ZNF541: variants seen among roughly 807,000 people sequenced by gnomAD.
ZNF541 encodes the protein zinc finger protein 541.
ZNF541 carries 23 observed loss-of-function variants against 123.5 expected under a neutral mutation model. That is an observed-to-expected ratio of 0.19 (90% confidence interval 0.13 to 0.26). The LOEUF is 0.26. Among genes scored for constraint, ZNF541 ranks in the 10% least tolerant of loss-of-function variants. The pLI is 1.00. For synonymous variants in ZNF541, 751 were observed against 754.5 expected, an observed-to-expected ratio of 1.00 and a Z score of 0.08; for missense variants, 1,612 against 1,789.9, an observed-to-expected ratio of 0.90 and a Z score of 1.79.
intron 10 of ZNF541, 116 bp downstream of exon 10, chr19:47,532,793 G>A: frequency 1.2e-6 from 1 of 852,454 alleles, no homozygotes. Flanking sequence ...TTCACGCCTA[G>A]GGAGCCTATG....
chr19:47,571,584 ATCCTTACTTCTTCCCT>A (rs1348857575), intron 2 of ZNF541, among the ~76,000 whole-genome samples: 1 of 152,162 alleles, frequency 6.6e-6, no homozygotes, highest in Non-Finnish European at 1.5e-5. Flanking sequence ...CTTCACGACA[ATCCTTACTTCTTCCCT>A]TTACCTGTGC....
intron 5 of ZNF541, among the ~76,000 whole-genome samples, chr19:47,542,416 G>A (rs995157829): frequency 5.3e-5 from 8 of 152,150 alleles, no homozygotes; most frequent in Non-Finnish European, 1.2e-4. Context: ...AGCACTTTGG[G>A]AGGCCGAGGC....
chr19:47,567,502 C>T (rs747309933), intron 2 of ZNF541, among the ~76,000 whole-genome samples: 32 of 152,178 alleles, frequency 2.1e-4, no homozygotes, highest in Non-Finnish European at 4.0e-4. Flanking sequence ...TCAAATGATC[C>T]GCCCTCCTCG....
At chr19:47,531,598 C>T (rs1160087078) in intron 12 of ZNF541, 44 bp downstream of exon 12, 5 of 1,473,286 alleles carry the variant, frequency 3.4e-6, no homozygotes, top group Non-Finnish European at 3.7e-6. Context: ...ACCTAGAACC[C>T]TGGGCCCCAG....
Position 47,555,948 on chromosome 19 carries a change from C to T in ZNF541, c.-92G>A. 2 of 1,255,694 alleles carry T rather than the reference C, an allele frequency of 1.6e-6. No individual in the cohort carries two copies. Among genetic ancestry groups the T allele is most frequent in the Non-Finnish European group, 2.2e-6 (2 of 921,688 alleles). 77.8% of individuals were successfully genotyped at this position (1,255,694 alleles called of 1,614,324 possible). A position where few individuals can be genotyped will look rare whatever the true frequency, so the allele number is the denominator to read the frequency against. On this transcript the variant is annotated 5_prime_UTR_variant, in exon 3 of 17. Transcript: ENST00000391901. Reference sequence around the variant, plus strand: ...GGGAGGAGAGAGCCCTTGATGGCAACTAATTCCTGAAAATGAAGCAAGAAG... The same window carrying T: ...GGGAGGAGAGAGCCCTTGATGGCAATTAATTCCTGAAAATGAAGCAAGAAG...
Position 47,532,168 on chromosome 19 carries a change from T to C in ZNF541, c.3261A>G (p.Pro1087=), listed in dbSNP as rs1257207494. ...DEHVASLVWK[P]WGDMMISSET... is the part of the protein sequence containing the mutation. ...CTGAGCTGATCATCATATCTCCCCA[T>C]GGCTTCCAGACCAGAGAAGCTACAT... Residue 1087 remains proline (P), a synonymous_variant, in exon 11 of 17, where the codon CCA becomes CCG. Transcript: ENST00000391901. 4.5e-6 allele frequency: 7 copies of C among 1,551,632 alleles called. No individual in the cohort carries two copies. The highest frequency in any genetic ancestry group is 8.7e-7 in the Non-Finnish European group (1 of 1,147,008).
At position 47,540,351 on chromosome 19, in the gene ZNF541, G is replaced by C. The variant is rs917621201; in HGVS notation, c.2463-16C>G. On this transcript the variant is annotated splice_polypyrimidine_tract_variant and intron_variant, in intron 6 of 16. Transcript: ENST00000391901. ...TTGCTGGTTACTGTGGGACATGGCA[G>C]GAAAGAAGAGTGGGAGATTAGGACT... 2 of 1,545,088 alleles carry C rather than the reference G, an allele frequency of 1.3e-6. No individual in the cohort carries two copies. The highest frequency in any genetic ancestry group is 1.4e-5 in the African/African-American group (1 of 72,772).
chr19:47,524,779 A>G (rs552170780), intron 14 of ZNF541, among the ~76,000 whole-genome samples: 11 of 151,992 alleles, frequency 7.2e-5, no homozygotes, highest in African/African-American at 2.2e-4. Context: ...CAGCTACTCA[A>G]AGTTGGAGGA....
At chr19:47,560,018 G>A (rs978317893) in intron 2 of ZNF541, among the ~76,000 whole-genome samples, 2 of 152,128 alleles carry the variant, frequency 1.3e-5, no homozygotes, top group Non-Finnish European at 2.9e-5. Context: ...AGAGGATCTG[G>A]TTTTCAAAGA....
chr19:47,549,087 G>A (rs1201674473), intron 4 of ZNF541, among the ~76,000 whole-genome samples, 158 bp downstream of exon 4: 2 of 149,470 alleles, frequency 1.3e-5, no homozygotes, highest in African/African-American at 2.4e-5. Flanking sequence ...AAAGCATGGA[G>A]TGGCTGTGGC....
At chr19:47,558,365 G>A (rs1019566867) in intron 2 of ZNF541, among the ~76,000 whole-genome samples, 22 of 151,690 alleles carry the variant, frequency 1.5e-4, no homozygotes, top group African/African-American at 3.1e-4. Flanking sequence ...GCAGTGAGCC[G>A]AGATCGTGCC....
intron 4 of ZNF541, among the ~76,000 whole-genome samples, chr19:47,548,037 CA>C (rs762537736): frequency 0.033 from 1,738 of 52,572 alleles, 9 homozygotes; most frequent in Middle Eastern, 0.1. Flanking sequence ...CAAGACTGTC[CA>C]AAAAAAAAAA....
At chr19:47,549,120 A>C in intron 4 of ZNF541, 125 bp downstream of exon 4, 2 of 1,360,520 alleles carry the variant, frequency 1.5e-6, no homozygotes, top group Non-Finnish European at 2.0e-6. Flanking sequence ...GAGGTAATAC[A>C]CGTCTGGAAA....
chr19:47,557,329 A>G (rs919910533), intron 2 of ZNF541, among the ~76,000 whole-genome samples: 5 of 152,172 alleles, frequency 3.3e-5, no homozygotes, highest in African/African-American at 9.6e-5. Context: ...TGAAAAGAAA[A>G]GCTTCACACA....
At position 47,545,862 on chromosome 19, in the gene ZNF541, G is replaced by C. The variant is rs1294666526; in HGVS notation, c.667C>G (p.Leu223Val). The stretch of plus-strand genomic sequence containing the variant: ...GGGGGGGCTTCCTTCAGGATGCACA[G>C]GCCGTGATGGACCTCGTAGTGCCGG... ...LRRHYEVHHG[L>V]CILKEAPPEE... Residue 223 changes from leucine (L) to valine (V), a missense_variant, in exon 5 of 17, where the codon CTG (leucine) becomes GTG (valine). This residue lies in a region of ZNF541 where 212 missense variants were observed against 289.6 expected (regional missense o/e 0.73). Transcript: ENST00000391901. This position sits in a 1 kb window ranked among gnomAD's most constrained non-coding sequence, Gnocchi z 7.5. The C allele has an allele frequency of 1.3e-6, 2 of 1,549,748 alleles. No individual in the cohort carries two copies. The highest frequency in any genetic ancestry group is 4.9e-5 in the East Asian group (2 of 40,878).
chr19:47,558,494 C>G (rs892443930), intron 2 of ZNF541, among the ~76,000 whole-genome samples: 1 of 151,748 alleles, frequency 6.6e-6, no homozygotes, highest in African/African-American at 2.4e-5. Context: ...AATTAGATAA[C>G]TTAGATACAT....
intron 14 of ZNF541, among the ~76,000 whole-genome samples, chr19:47,523,035 C>G (rs938135427): frequency 6.6e-6 from 1 of 151,376 alleles, no homozygotes; most frequent in Admixed American, 6.6e-5. Context: ...CCTGAACCAC[C>G]GCACCCGGCC....
chr19:47,556,545 A>G (rs754861398), intron 2 of ZNF541, among the ~76,000 whole-genome samples: 6 of 151,212 alleles, frequency 4.0e-5, no homozygotes, highest in Non-Finnish European at 7.4e-5. Flanking sequence ...CCTGGGCTCA[A>G]GCGATCCTCC....
rs548814917 is a variant in ZNF541 at position 47,528,811 on chromosome 19, C to T, written c.3570+139G>A. The T allele has an allele frequency of 1.2e-5, 8 of 640,056 alleles. No individual in the cohort carries two copies. The East Asian group carries it at 1.9e-4, about 15-fold the overall frequency. The allele number at this position is 640,056 out of a possible 1,614,324, so 39.6% of individuals were successfully genotyped here. A position where few individuals can be genotyped will look rare whatever the true frequency, so the allele number is the denominator to read the frequency against. On this transcript the variant is annotated intron_variant, in intron 14 of 16. Coordinates refer to ENST00000391901, the MANE Select transcript of ZNF541 (RefSeq NM_001277075.3). ...GCTGTTCATGAGGATAGCTTTTTGA[C>T]ATTGTAAACTGTCTACAGTAAGAGT...
Sources: gnomAD v4.1 joint callset for allele counts (sites outside exome capture counted in the v4.1 genomes callset) on GRCh38, gnomAD v4.1.1 for gene constraint, gnomAD v4.1.1 regional missense constraint, Gnocchi (gnomAD v3.1) non-coding constraint, MANE v1.5 for transcripts, NCBI Gene and HGNC (gene_info 2026-07-23, HGNC 2026-07-21) for gene names.